The following EMSY variants were observed in gnomAD, a reference collection of about 807,000 sequenced individuals.
EMSY encodes the protein BRCA2-interacting transcriptional repressor EMSY.
Under a neutral mutation model 134.6 loss-of-function variants are expected in EMSY, and 26 were observed. That is an observed-to-expected ratio of 0.19 (90% CI 0.14 to 0.27). The LOEUF is 0.27. Ranked by LOEUF, EMSY falls within the 10% of genes least tolerant of loss-of-function variation. EMSY has a pLI of 1.00. For synonymous variants in EMSY, 579 were observed against 577.8 expected, an observed-to-expected ratio of 1.00 and a Z score of -0.03; for missense variants, 1,305 against 1,611.4, an observed-to-expected ratio of 0.81 and a Z score of 3.26.
intron 17 of EMSY, 27 bp downstream of exon 18, chr11:76,539,667 A>G (rs778465561): frequency 1.9e-6 from 3 of 1,606,724 alleles, no homozygotes; most frequent in East Asian, 2.2e-5. Context: ...CATTTGTAGT[A>G]TCACTGAAGG....
chr11:76,479,258 A>G (rs1473216129), intron 8 of EMSY, among the ~76,000 whole-genome samples: 2 of 152,240 alleles, frequency 1.3e-5, no homozygotes, highest in Non-Finnish European at 2.9e-5. Context: ...ACAAGTGGAC[A>G]ATTCCACACC....
At chr11:76,532,159 C>G (rs1951065003) in intron 14 of EMSY, among the ~76,000 whole-genome samples, 1 of 152,138 alleles carries the variant, frequency 6.6e-6, no homozygotes, top group Non-Finnish European at 1.5e-5. Flanking sequence ...AGGCTACTAG[C>G]TTCTCAAGCT....
chr11:76,471,797 C>T (rs1018461040), intron 7 of EMSY, among the ~76,000 whole-genome samples: 1 of 152,188 alleles, frequency 6.6e-6, no homozygotes, highest in Non-Finnish European at 1.5e-5. Flanking sequence ...CAGTTGTCTA[C>T]TACTACTTTG....
chr11:76,476,066 C>T (rs952706102), intron 8 of EMSY, among the ~76,000 whole-genome samples: 2 of 152,202 alleles, frequency 1.3e-5, no homozygotes, highest in South Asian at 4.1e-4. Flanking sequence ...TTCCCATAGT[C>T]TGGATTTTAC....
At chr11:76,480,624 G>A (rs1399216758) in intron 8 of EMSY, among the ~76,000 whole-genome samples, 1 of 152,158 alleles carries the variant, frequency 6.6e-6, no homozygotes, top group Non-Finnish European at 1.5e-5. Flanking sequence ...GGAGTTGCTG[G>A]CAAGGTAGCC....
intron 14 of EMSY, among the ~76,000 whole-genome samples, chr11:76,535,571 G>A (rs1951192809): frequency 6.6e-6 from 1 of 152,180 alleles, no homozygotes; most frequent in South Asian, 2.1e-4. Flanking sequence ...CTTTTTACAT[G>A]TCCGTCTCCC....
intron 14 of EMSY, among the ~76,000 whole-genome samples, chr11:76,532,717 G>A (rs980961183): frequency 2.0e-5 from 3 of 152,108 alleles, no homozygotes; most frequent in Non-Finnish European, 4.4e-5. Flanking sequence ...AAAACAAGGA[G>A]ACAAACCCAA....
At chr11:76,528,213 A>G (rs148813147) in intron 13 of EMSY, 55 bp from the exon 15 acceptor site, 1 of 1,488,820 alleles carries the variant, frequency 6.7e-7, no homozygotes, top group African/African-American at 1.4e-5. Flanking sequence ...GAAGTTTAGC[A>G]TTTTTAAATC....
intron 4 of EMSY, among the ~76,000 whole-genome samples, chr11:76,456,358 G>A (rs1032358224): frequency 3.3e-5 from 5 of 152,098 alleles, no homozygotes; most frequent in Admixed American, 2.0e-4. Context: ...TGCAAGTTTT[G>A]TCTTTTCAGT....
chr11:76,510,495 G>T (rs1381473284), intron 9 of EMSY, among the ~76,000 whole-genome samples: 2 of 152,196 alleles, frequency 1.3e-5, no homozygotes, highest in Admixed American at 6.5e-5. Context: ...CCTGCTTTAC[G>T]CACTGAGTGC....
rs965370694 is a variant in EMSY, at chr11:76,526,370, C to T, written c.1822-92C>T. 9.8e-6 allele frequency: 9 copies of T among 913,836 alleles called. No individual in the cohort carries two copies. In the East Asian group the frequency reaches 2.1e-4, roughly 21 times the overall value. The allele number at this position is 913,836 out of a possible 1,614,324, so 56.6% of individuals were successfully genotyped here. ...ACATAATCTACAGCCCTTTTTTCAT[C>T]ATCCTGGTAAAACCTTACTGATTTT... On this transcript the variant is annotated intron_variant, in intron 12 of 20. Transcript: ENST00000334736.
At chr11:76,512,087 A>G (rs1950297808) in intron 9 of EMSY, among the ~76,000 whole-genome samples, 1 of 152,210 alleles carries the variant, frequency 6.6e-6, no homozygotes. Context: ...CTAAATCACC[A>G]TCTCAAAAAG....
intron 9 of EMSY, among the ~76,000 whole-genome samples, chr11:76,500,342 A>AT (rs1949813586): frequency 6.6e-6 from 1 of 152,240 alleles, no homozygotes; most frequent in Non-Finnish European, 1.5e-5. Flanking sequence ...CTCTTCCCAA[A>AT]GGAACTAACT....
intron 8 of EMSY, among the ~76,000 whole-genome samples, chr11:76,475,204 C>A (rs1245584927): frequency 6.6e-6 from 1 of 152,208 alleles, no homozygotes; most frequent in East Asian, 1.9e-4. Flanking sequence ...CGTGTATCAA[C>A]ACTAATATAA....
At position 76,519,418 on chromosome 11, in the gene EMSY, T is replaced by C. The variant is rs149280021; in HGVS notation, c.1684+3106T>C. On this transcript the variant is annotated intron_variant, in intron 11 of 20. Coordinates refer to ENST00000334736, the Ensembl canonical transcript of EMSY. ...ATTTACATGTGTATACATTAGATTA[T>C]CAGATTTGTAAGTTTTTTTGTGAGC... is the stretch of plus-strand genomic sequence containing the variant. 4.3e-3 allele frequency among the ~76,000 whole-genome samples: 650 copies of C among 152,298 alleles called. 3 individuals are homozygous for C. The highest frequency in any genetic ancestry group is 5.5e-3 in the Non-Finnish European group (376 of 68,014).
At chr11:76,451,549 G>A (rs934638306) in intron 2 of EMSY, among the ~76,000 whole-genome samples, 2 of 152,162 alleles carry the variant, frequency 1.3e-5, no homozygotes, top group African/African-American at 4.8e-5. Flanking sequence ...ATCAGTTGGT[G>A]CCTATTCCCA....
At chr11:76,513,737 TTCC>T (rs1409283026) in intron 10 of EMSY, among the ~76,000 whole-genome samples, 2 of 152,290 alleles carry the variant, frequency 1.3e-5, no homozygotes, top group East Asian at 3.9e-4. Flanking sequence ...CTTTGTTCTT[TTCC>T]TTTATAGCAC....
intron 5 of EMSY, chr11:76,459,169 CAG>C (rs1276046265): frequency 7.9e-5 from 12 of 152,322 alleles, no homozygotes; most frequent in East Asian, 7.7e-4. Context: ...GGAAAGAATA[CAG>C]AGTTTCCACT....
At chr11:76,510,807 C>A (rs1590935900) in intron 9 of EMSY, among the ~76,000 whole-genome samples, 1 of 152,142 alleles carries the variant, frequency 6.6e-6, no homozygotes, top group East Asian at 1.9e-4. Context: ...TGGGAGCTGG[C>A]AGAGAAGGAA....
Sources: allele counts gnomAD v4.1 joint callset (sites outside exome capture counted in the v4.1 genomes callset), GRCh38; gene constraint gnomAD v4.1.1; transcripts MANE v1.5; gene names NCBI Gene and HGNC (gene_info 2026-07-23, HGNC 2026-07-21).